The following DNAL1 variants were observed in gnomAD, a reference collection of about 807,000 sequenced individuals.
The protein encoded by DNAL1 is dynein axonemal light chain 1, also known as chromosome 14 open reading frame 168.
In DNAL1, 17 loss-of-function variants were observed where a neutral mutation model predicts 29.4. That is an observed-to-expected ratio of 0.58 (90% CI 0.40 to 0.87). DNAL1 has a LOEUF of 0.87. DNAL1 is among the 40% of genes least tolerant of loss of function. The pLI is 0.00. For synonymous variants in DNAL1, 78 were observed against 76.3 expected (o/e 1.02, Z -0.12); for missense variants, 188 against 214.1 (o/e 0.88, Z 0.76).
chr14:73,651,927 G>A (rs780984522), intron 1 of DNAL1, among the ~76,000 whole-genome samples: 18 of 152,068 alleles, frequency 1.2e-4, no homozygotes, highest in Admixed American at 5.9e-4. Context: ...AAAGTGCTAG[G>A]ATTACAGGCG....
rs1595232922 is a variant in DNAL1 at position 73,699,150 on chromosome 14, C to T, written c.*3208C>T. ...GGGTAGGAGGGTGGGAACAAATTCT[C>T]CCTTAGTTGTACTTTTTATACCAAC... On this transcript the variant is annotated 3_prime_UTR_variant, in exon 8 of 8. Coordinates refer to ENST00000553645, the MANE Select transcript of DNAL1 (RefSeq NM_031427.4). 1 of 152,112 alleles carries T rather than the reference C, an allele frequency of 6.6e-6. No individual in the cohort carries two copies. The highest frequency in any genetic ancestry group is 6.6e-5 in the Admixed American group (1 of 15,254). The allele number at this position is 152,112 out of a possible 1,614,324, so 9.4% of individuals were successfully genotyped here.
At position 73,697,103 on chromosome 14, in the gene DNAL1, A is replaced by T. The variant is rs1206536583; in HGVS notation, c.*1161A>T. ...ATGCAGAGGTTAGAATTTATCATGT[A>T]AACAAAAAATCCTTCAGGAAAATGT... On this transcript the variant is annotated 3_prime_UTR_variant, in exon 8 of 8. Transcript: ENST00000553645. 1 of 152,182 alleles carries T rather than the reference A, an allele frequency of 6.6e-6. No individual in the cohort carries two copies. Among genetic ancestry groups the T allele is most frequent in the African/African-American group, 2.4e-5 (1 of 41,432 alleles). The allele number at this position is 152,182 out of a possible 1,614,324, so 9.4% of individuals were successfully genotyped here.
At chr14:73,683,273 C>G (rs1037954373) in intron 5 of DNAL1, among the ~76,000 whole-genome samples, 23 of 152,154 alleles carry the variant, frequency 1.5e-4, no homozygotes, top group African/African-American at 5.3e-4. Context: ...CATTTACTAT[C>G]ATTATTATGT....
At chr14:73,669,341 A>G (rs1891563325) in intron 4 of DNAL1, among the ~76,000 whole-genome samples, 1 of 151,682 alleles carries the variant, frequency 6.6e-6, no homozygotes, top group African/African-American at 2.4e-5. Flanking sequence ...CAGTGGCGCA[A>G]TCTTGGCTCA....
At chr14:73,687,127 C>T in intron 5 of DNAL1, 132 bp from the exon 6 acceptor site, 1 of 1,083,290 alleles carries the variant, frequency 9.2e-7, no homozygotes, top group Non-Finnish European at 1.3e-6. Flanking sequence ...TCCCACACAA[C>T]TACTAGCTCT....
chr14:73,680,238 T>C (rs1891843719), intron 5 of DNAL1, among the ~76,000 whole-genome samples: 1 of 152,176 alleles, frequency 6.6e-6, no homozygotes, highest in Non-Finnish European at 1.5e-5. Context: ...CCTCAATGCA[T>C]AGTATTAATA....
At chr14:73,664,563 A>G (rs963103026) in intron 4 of DNAL1, among the ~76,000 whole-genome samples, 1 of 152,192 alleles carries the variant, frequency 6.6e-6, no homozygotes, top group Non-Finnish European at 1.5e-5. Context: ...GGAAAATCCT[A>G]TAACAAATTA....
chr14:73,665,580 C>T (rs1458813120), intron 4 of DNAL1, among the ~76,000 whole-genome samples: 1 of 152,038 alleles, frequency 6.6e-6, no homozygotes, highest in African/African-American at 2.4e-5. Flanking sequence ...CACCTGAGGT[C>T]AGGAGTTTGA....
intron 3 of DNAL1, 38 bp from the exon 4 acceptor site, chr14:73,661,949 C>T (rs1891366822): frequency 7.2e-7 from 1 of 1,396,916 alleles, no homozygotes; most frequent in African/African-American, 1.4e-5. Flanking sequence ...TTACCATTTA[C>T]ATTTTTCACA....
chr14:73,684,475 C>T (rs1339308035), intron 5 of DNAL1, among the ~76,000 whole-genome samples: 1 of 152,094 alleles, frequency 6.6e-6, no homozygotes, highest in Non-Finnish European at 1.5e-5. Flanking sequence ...AATCAACTAC[C>T]TACCAACAAT....
chr14:73,668,833 T>C (rs1342528531), intron 4 of DNAL1, among the ~76,000 whole-genome samples: 2 of 152,072 alleles, frequency 1.3e-5, no homozygotes, highest in Non-Finnish European at 2.9e-5. Context: ...CACACCACCA[T>C]GCCCAGCTAA....
chr14:73,682,356 T>C (rs972468522), intron 5 of DNAL1, among the ~76,000 whole-genome samples: 3 of 142,324 alleles, frequency 2.1e-5, no homozygotes, highest in Non-Finnish European at 4.6e-5. Flanking sequence ...TTTTTTTTTT[T>C]TTTTGTATTT....
rs894669075 is a variant in DNAL1, at chr14:73,703,063, C to G, written c.*7121C>G. 4.1e-4 allele frequency: 62 copies of G among 152,038 alleles called. No homozygotes were observed. The highest frequency in any genetic ancestry group is 1.5e-3 in the African/African-American group (61 of 41,364). 9.4% of individuals were successfully genotyped at this position (152,038 alleles called of 1,614,324 possible). A position where few individuals can be genotyped will look rare whatever the true frequency, so the allele number is the denominator to read the frequency against. On this transcript the variant is annotated 3_prime_UTR_variant, in exon 8 of 8. Transcript: ENST00000553645. The stretch of plus-strand genomic sequence containing the variant: ...CCCAGAAGTTTGAGGTTACAGTGAG[C>G]TATGATCATGTCACTGCAAGACCCT...
chr14:73,682,171 CTTTT>C (rs755777316), intron 5 of DNAL1, among the ~76,000 whole-genome samples: 1 of 129,584 alleles, frequency 7.7e-6, no homozygotes, highest in East Asian at 2.1e-4. Flanking sequence ...CTTACTGTAA[CTTTT>C]TTTTTTTTTT....
chr14:73,660,951 G>C (rs934888684), intron 3 of DNAL1, among the ~76,000 whole-genome samples: 1 of 152,090 alleles, frequency 6.6e-6, no homozygotes. Flanking sequence ...AGATTTAAAG[G>C]CAATCCATTA....
chr14:73,661,120 T>C (rs1165245302), intron 3 of DNAL1, among the ~76,000 whole-genome samples: 2 of 151,722 alleles, frequency 1.3e-5, no homozygotes, highest in African/African-American at 2.4e-5. Context: ...ACTGAGATCA[T>C]GCCACTGCAC....
intron 7 of DNAL1, among the ~76,000 whole-genome samples, chr14:73,689,738 A>G (rs1285631460): frequency 6.6e-6 from 1 of 152,170 alleles, no homozygotes; most frequent in Admixed American, 6.6e-5. Context: ...AAAAGCTTAT[A>G]AGAAAGCTAG....
chr14:73,654,959 A>G lies in DNAL1; in HGVS notation c.42+74A>G, dbSNP rs1891181833. ...TTTGGATAGTTATTCAAATCTAGCT[A>G]TTTAATACAAAGGATCCTTTTGGTA... On this transcript the variant is annotated intron_variant, in intron 2 of 7. Coordinates refer to ENST00000553645, the MANE Select transcript of DNAL1 (RefSeq NM_031427.4). The G allele has an allele frequency of 3.6e-6, 5 of 1,401,684 alleles. No individual in the cohort carries two copies. The East Asian group carries it at 1.0e-4, about 28-fold the overall frequency. The allele number at this position is 1,401,684 out of a possible 1,614,324, so 86.8% of individuals were successfully genotyped here.
At chr14:73,691,996 CTTTT>C (rs3041353) in intron 7 of DNAL1, among the ~76,000 whole-genome samples, 40 of 113,622 alleles carry the variant, frequency 3.5e-4, no homozygotes, top group Non-Finnish European at 3.6e-4. Context: ...TGTGCCCAGA[CTTTT>C]TTTTTTTTTT....
Sources: allele counts gnomAD v4.1 joint callset (sites outside exome capture counted in the v4.1 genomes callset), GRCh38; gene constraint gnomAD v4.1.1; transcripts MANE v1.5; gene names NCBI Gene and HGNC (gene_info 2026-07-23, HGNC 2026-07-21).